NCKAP5: variants seen among roughly 807,000 people sequenced by gnomAD.
The protein encoded by NCKAP5 is NCK associated protein 5.
Under a neutral mutation model 167.0 loss-of-function variants are expected in NCKAP5, and 92 were observed. That is an observed-to-expected ratio of 0.55 (90% confidence interval 0.47 to 0.66). The LOEUF (loss-of-function observed/expected upper bound fraction) is 0.66, where lower values mean the gene tolerates loss of function less well. NCKAP5 is among the 30% of genes least tolerant of loss of function. The pLI is 0.00. For synonymous variants in NCKAP5, 891 were observed against 877.4 expected (o/e 1.02, Z -0.27); for missense variants, 2,378 against 2,315.0 (o/e 1.03, Z -0.56).
chr2:133,307,073 T>G (rs1680831799), intron 3 of NCKAP5, among the ~76,000 whole-genome samples: 3 of 152,206 alleles, frequency 2.0e-5, no homozygotes, highest in Non-Finnish European at 4.4e-5. Context: ...ACTTCCTACC[T>G]CATTCAGCAC....
intron 3 of NCKAP5, among the ~76,000 whole-genome samples, chr2:133,362,232 A>ACGATCAC (rs1297239109): frequency 6.6e-6 from 1 of 152,176 alleles, no homozygotes; most frequent in Non-Finnish European, 1.5e-5. Context: ...ATCAAGACAA[A>ACGATCAC]CGATCACCGT....
At chr2:132,816,855 G>A (rs1353266140) in intron 11 of NCKAP5, among the ~76,000 whole-genome samples, 3 of 152,240 alleles carry the variant, frequency 2.0e-5, no homozygotes, top group African/African-American at 7.2e-5. Context: ...CCTTCCTGAC[G>A]AATCTCCAGG....
intron 5 of NCKAP5, among the ~76,000 whole-genome samples, chr2:133,185,030 T>C (rs2084886121): frequency 6.6e-6 from 1 of 152,148 alleles, no homozygotes; most frequent in Non-Finnish European, 1.5e-5. Flanking sequence ...CTTAAATTCA[T>C]TGCCTAGACC....
In NCKAP5 at chr2:133,044,024, C is replaced by T. The variant is rs534326130; in HGVS notation, c.342-49785G>A. Among the ~76,000 whole-genome samples the T allele has an allele frequency of 4.6e-5, 7 of 152,174 alleles. No individual in the cohort carries two copies. The South Asian group carries it at 1.5e-3, about 32-fold the overall frequency. ...ACAGAAGGAAGAGCCCAAAAACAGA[C>T]CCACATACATCTGAAAACTTGATAT... is the stretch of plus-strand genomic sequence containing the variant. On this transcript the variant is annotated intron_variant, in intron 6 of 19. Coordinates refer to ENST00000409261, the MANE Select transcript of NCKAP5 (RefSeq NM_207363.3).
chr2:133,217,109 A>C (rs1023951112), intron 4 of NCKAP5, among the ~76,000 whole-genome samples: 5 of 152,152 alleles, frequency 3.3e-5, no homozygotes, highest in African/African-American at 1.2e-4. Context: ...TGGTAAATTA[A>C]GGCAAAATAA....
At chr2:133,101,864 C>T (rs979767284) in intron 6 of NCKAP5, among the ~76,000 whole-genome samples, 33 of 152,122 alleles carry the variant, frequency 2.2e-4, no homozygotes, top group African/African-American at 7.5e-4. Flanking sequence ...TGACAGGGTG[C>T]GCAATTGCAG....
At chr2:133,615,220 G>C in the NCKAP5 span, among the ~76,000 whole-genome samples, 1 of 152,012 alleles carries the variant, frequency 6.6e-6, no homozygotes, top group African/African-American at 2.4e-5. Context: ...GACCATCGAG[G>C]TTAGGAAGAA....
At chr2:133,671,361 C>T in the NCKAP5 span, among the ~76,000 whole-genome samples, 5 of 152,044 alleles carry the variant, frequency 3.3e-5, no homozygotes, top group South Asian at 2.1e-4. Flanking sequence ...AAACTCATAT[C>T]GAAATAAACT....
At chr2:132,761,879 T>C (rs1056239893) in intron 16 of NCKAP5, among the ~76,000 whole-genome samples, 4 of 152,204 alleles carry the variant, frequency 2.6e-5, no homozygotes, top group African/African-American at 9.7e-5. Flanking sequence ...AAGCCCAGCC[T>C]GCACCACTCA....
At chr2:132,956,574 T>C (rs1401870445) in intron 8 of NCKAP5, among the ~76,000 whole-genome samples, 3 of 152,192 alleles carry the variant, frequency 2.0e-5, no homozygotes, top group Admixed American at 2.0e-4. Context: ...AACACGGCCA[T>C]TGGCACACGA....
At chr2:133,195,728 C>A (rs887609465) in intron 5 of NCKAP5, among the ~76,000 whole-genome samples, 1 of 151,978 alleles carries the variant, frequency 6.6e-6, no homozygotes, top group Non-Finnish European at 1.5e-5. Flanking sequence ...GACAAATATG[C>A]CAAGGCAATT....
rs974796799 is a variant in NCKAP5 at position 133,173,982 on chromosome 2, T to C, written c.207+39734A>G. ...AGGTAGAAAAATACATACGCTTTTT[T>C]TCCCCCAGTGATTAAAAACACAAAC... On this transcript the variant is annotated intron_variant, in intron 5 of 19. Transcript: ENST00000409261. Among the ~76,000 whole-genome samples the C allele has an allele frequency of 4.6e-5, 7 of 152,266 alleles. No homozygotes were observed. In the East Asian group the frequency reaches 1.2e-3, roughly 25 times the overall value.
intron 11 of NCKAP5, among the ~76,000 whole-genome samples, chr2:132,842,398 A>G (rs1688354874): frequency 6.6e-6 from 1 of 152,104 alleles, no homozygotes; most frequent in Admixed American, 6.5e-5. Context: ...ATACACACAC[A>G]TATAAATCTC....
At chr2:132,806,065 C>T (rs1021768058) in intron 11 of NCKAP5, among the ~76,000 whole-genome samples, 2 of 152,110 alleles carry the variant, frequency 1.3e-5, no homozygotes, top group Non-Finnish European at 2.9e-5. Context: ...TTTATAATAA[C>T]AGTCTCCAAT....
chr2:133,105,787 G>A lies in NCKAP5; in HGVS notation c.341+24191C>T, dbSNP rs187144957. 5.7e-4 allele frequency among the ~76,000 whole-genome samples: 87 copies of A among 152,298 alleles called. 2 individuals carry two copies. In the Middle Eastern group the frequency reaches 0.01, roughly 18 times the overall value. ...AGGGTCTGAAGGAAGCATTTAAATA[G>A]CATCTCTTAAAAAAATGTTGCTGTT... On this transcript the variant is annotated intron_variant, in intron 6 of 19. Coordinates refer to ENST00000409261, the MANE Select transcript of NCKAP5 (RefSeq NM_207363.3).
At chr2:133,045,238 A>G (rs1413965495) in intron 6 of NCKAP5, among the ~76,000 whole-genome samples, 1 of 152,154 alleles carries the variant, frequency 6.6e-6, no homozygotes, top group Non-Finnish European at 1.5e-5. Context: ...CATAAACTTC[A>G]CACACAGGGT....
intron 3 of NCKAP5, among the ~76,000 whole-genome samples, chr2:133,427,696 T>C (rs1689900108): frequency 6.6e-6 from 1 of 151,970 alleles, no homozygotes; most frequent in South Asian, 2.1e-4. Flanking sequence ...TGTGAGAAAA[T>C]CACATATGAT....
Position 132,785,169 on chromosome 2 carries a change from T to C in NCKAP5, c.1642A>G (p.Met548Val). Reference protein sequence around the residue: ...TSCASSCPLEMKLCPSVQTPQ... With the variant: ...TSCASSCPLEVKLCPSVQTPQ... The stretch of plus-strand genomic sequence containing the variant: ...GTCTGCACACTTGGGCACAGCTTCA[T>C]CTCTAAGGGACAGCTGCTGGCGCAA... Residue 548 changes from methionine to valine, a missense_variant, in exon 14 of 20, where the codon ATG (methionine) becomes GTG (valine). This residue lies in a region of NCKAP5 where 1,049 missense variants were observed against 1,023.4 expected (regional missense o/e 1.02). Transcript: ENST00000409261. 1 of 1,598,504 alleles carries C rather than the reference T, an allele frequency of 6.3e-7. No homozygotes were observed. The highest frequency in any genetic ancestry group is 1.7e-4 in the Middle Eastern group (1 of 5,956).
intron 19 of NCKAP5, among the ~76,000 whole-genome samples, chr2:132,693,254 T>C (rs1686959398): frequency 6.6e-6 from 1 of 152,198 alleles, no homozygotes; most frequent in African/African-American, 2.4e-5. Context: ...CCTGTGAATG[T>C]GACTTTATTT....
Sources: gnomAD v4.1 joint callset for allele counts (sites outside exome capture counted in the v4.1 genomes callset) on GRCh38, gnomAD v4.1.1 for gene constraint, gnomAD v4.1.1 regional missense constraint, MANE v1.5 for transcripts, NCBI Gene and HGNC (gene_info 2026-07-23, HGNC 2026-07-21) for gene names.